Variants in RPGR observed in about 807,000 individuals in gnomAD.
The protein encoded by RPGR is retinitis pigmentosa GTPase regulator, also known as X-linked retinitis pigmentosa GTPase regulator.
Under a neutral mutation model 56.3 loss-of-function variants are expected in RPGR, and 10 were observed. The observed-to-expected ratio is 0.18, with a 90% CI of 0.11 to 0.30. The LOEUF is 0.30. RPGR is among the 10% of genes least tolerant of loss of function. RPGR has a pLI of 1.00. For missense variants in RPGR, 538 were observed against 590.9 expected (o/e 0.91, Z 0.93); for synonymous variants, 197 against 212.9 (o/e 0.93, Z 0.65).
chrX:38,311,991 G>A (rs764560271), intron 6 of RPGR, among the ~76,000 whole-genome samples: 1 of 111,780 alleles, frequency 8.9e-6, no homozygotes, highest in South Asian at 3.7e-4. Flanking sequence ...TTTTTGCTTT[G>A]TATCCTTTGC....
At chrX:38,305,233 G>A (rs999181364) in intron 7 of RPGR, among the ~76,000 whole-genome samples, 2 of 111,145 alleles carry the variant, frequency 1.8e-5, no homozygotes, top group African/African-American at 3.3e-5. Context: ...GGCCAACATG[G>A]TGAAACCCCA....
rs1601974977 is a variant in RPGR, at chrX:38,318,976, C to T, written c.322G>A (p.Val108Ile). The T allele has an allele frequency of 1.7e-6, 2 of 1,211,975 alleles. No homozygotes were observed. The highest frequency in any genetic ancestry group is 2.3e-4 in the Middle Eastern group (1 of 4,343). Reference sequence around the variant, plus strand: ...TCATTATTTCCACCAGTTGCATATACATTGCCTCCTTCTGCACATGGAAAA... The same window carrying T: ...TCATTATTTCCACCAGTTGCATATATATTGCCTCCTTCTGCACATGGAAAA... Residue 108 changes from valine to isoleucine, a missense_variant, in exon 5 of 19, where the codon GTA (valine) becomes ATA (isoleucine). By Grantham distance (29) the Val-to-Ile change is conservative (BLOSUM62 3). Coordinates refer to ENST00000642395, the MANE Select transcript of RPGR (RefSeq NM_000328.3).
intron 4 of RPGR, 65 bp downstream of exon 4, chrX:38,320,962 C>T (rs1056435358): frequency 1.4e-5 from 12 of 855,665 alleles, no homozygotes; most frequent in Admixed American, 6.8e-5. Flanking sequence ...TACAAAGCCA[C>T]GTTACTGGAA....
chrX:38,273,360 C>T (rs1307146085), intron 18 of RPGR: 2 of 1,099,606 alleles, frequency 1.8e-6, no homozygotes, highest in East Asian at 3.0e-5. Flanking sequence ...TCAAAAGGAT[C>T]AAAAAAGACA....
intron 11 of RPGR, 55 bp from the exon 12 acceptor site, chrX:38,291,539 C>T: frequency 1.5e-6 from 1 of 685,353 alleles, no homozygotes; most frequent in South Asian, 2.2e-5. Flanking sequence ...AAGTGAAAGG[C>T]AACTGGACAG....
At chrX:38,304,569 T>A (rs2067560206) in intron 8 of RPGR, 66 bp downstream of exon 8, 1 of 890,497 alleles carries the variant, frequency 1.1e-6, no homozygotes, top group South Asian at 2.2e-5. Flanking sequence ...TCATTTCACA[T>A]ATAATTTATT....
chrX:38,285,627 G>A, intron 15 of RPGR: 1 of 1,211,161 alleles, frequency 8.3e-7, no homozygotes, highest in Non-Finnish European at 1.1e-6. Flanking sequence ...GTTTTGACTG[G>A]ACTGGCATTT....
intron 8 of RPGR, chrX:38,303,625 A>G (rs1307385336): frequency 3.5e-6 from 1 of 283,939 alleles, no homozygotes. Context: ...TACTTTTCAT[A>G]TTCTATATAA....
At chrX:38,315,124 G>A (rs1476627816) in intron 6 of RPGR, among the ~76,000 whole-genome samples, 2 of 111,466 alleles carry the variant, frequency 1.8e-5, no homozygotes, top group Non-Finnish European at 3.8e-5. Flanking sequence ...GAGGTCAGAA[G>A]TTCAAGACCA....
chrX:38,313,870 A>G (rs1335169719), intron 6 of RPGR, among the ~76,000 whole-genome samples: 1 of 112,163 alleles, frequency 8.9e-6, no homozygotes, highest in Admixed American at 9.5e-5. Flanking sequence ...TGGTATTGTA[A>G]GAAATATCAT....
At position 38,327,321 on chromosome X, in the gene RPGR, C is replaced by A. The variant is rs751889855; in HGVS notation, c.28+19G>T. 108 of 1,180,063 alleles carry A rather than the reference C, an allele frequency of 9.2e-5. No homozygotes were observed. Among genetic ancestry groups the A allele is most frequent in the Non-Finnish European group, 1.2e-4 (104 of 882,813 alleles). On this transcript the variant is annotated intron_variant, in intron 1 of 18. Transcript: ENST00000642395. Reference sequence around the variant, plus strand: ...ACCCTCCCTCCCGGCCTTCCGCCACCGGCGCGGGCGCAACTCACCGGGCAT... The same window carrying A: ...ACCCTCCCTCCCGGCCTTCCGCCACAGGCGCGGGCGCAACTCACCGGGCAT...
intron 11 of RPGR, among the ~76,000 whole-genome samples, chrX:38,293,306 G>T (rs1008587353): frequency 9.0e-6 from 1 of 111,619 alleles, no homozygotes; most frequent in African/African-American, 3.3e-5. Context: ...AATGGGTATG[G>T]CTGGGTTCCA....
intron 15 of RPGR, among the ~76,000 whole-genome samples, chrX:38,278,051 G>C (rs2066966757): frequency 9.0e-6 from 1 of 111,689 alleles, no homozygotes; most frequent in African/African-American, 3.3e-5. Flanking sequence ...AAGCTACTCA[G>C]GAAGAATTAG....
In RPGR at chrX:38,269,868, C is replaced by T. The variant is rs776237663; in HGVS notation, c.2242-36G>A. On this transcript the variant is annotated intron_variant, in intron 18 of 18. Coordinates refer to ENST00000642395, the MANE Select transcript of RPGR (RefSeq NM_000328.3). ...AACCACACACACAAATATTCATTTC[C>T]ATAAGTGAAACATTCACTTAACAGT... is the stretch of plus-strand genomic sequence containing the variant. The T allele has an allele frequency of 3.0e-6, 3 of 999,604 alleles. No homozygotes were observed. In the Admixed American group the frequency reaches 6.9e-5, roughly 23 times the overall value. The allele number at this position is 999,604 out of a possible 1,213,427, so 82.4% of individuals were successfully genotyped here. A position where few individuals can be genotyped will look rare whatever the true frequency, so the allele number is the denominator to read the frequency against.
rs775660295 is a variant in RPGR at position 38,310,756 on chromosome X, C to G, written c.637G>C (p.Val213Leu). Reference sequence around the variant, plus strand: ...TTCCCATTCTCAGGTTCTCCAAACACATATAGCTCACCATCTGCTATTGAA... The same window carrying G: ...TTCCCATTCTCAGGTTCTCCAAACAGATATAGCTCACCATCTGCTATTGAA... Residue 213 changes from valine to leucine, a missense_variant, in exon 7 of 19, where the codon GTG becomes CTG. Val to Leu is a conservative substitution (Grantham distance 32, BLOSUM62 1). Around this residue, in one of 2 missense-constraint regions of RPGR, gnomAD observed 181 missense variants for 265.1 expected, o/e 0.68. Transcript: ENST00000642395. 1 of 1,208,657 alleles carries G rather than the reference C, an allele frequency of 8.3e-7. No individual in the cohort carries two copies. The highest frequency in any genetic ancestry group is 1.1e-6 in the Non-Finnish European group (1 of 894,613).
chrX:38,299,429 A>C (rs137932132), intron 9 of RPGR, among the ~76,000 whole-genome samples: 2,236 of 112,413 alleles, frequency 0.02, 38 homozygotes, highest in Middle Eastern at 0.047. Flanking sequence ...AGAGAAAAAA[A>C]TACTTGGCAA....
intron 3 of RPGR, among the ~76,000 whole-genome samples, chrX:38,321,293 TA>T (rs761530600): frequency 6.3e-4 from 70 of 111,432 alleles, no homozygotes; most frequent in Non-Finnish European, 1.1e-3. Context: ...ACAATATAGA[TA>T]TCTTAGCCCC....
At chrX:38,305,746 AAAAATAAAATAAAATAAAATAAAAT>A (rs5902182) in intron 7 of RPGR, among the ~76,000 whole-genome samples, 18 of 85,479 alleles carry the variant, frequency 2.1e-4, no homozygotes, top group East Asian at 3.6e-4. Context: ...ACTCCATCTC[AAAAATAAAATAAAATAAAATAAAAT>A]AAAATAAAAT....
chrX:38,287,584 T>C (rs1344760971), intron 14 of RPGR: 1 of 507,176 alleles, frequency 2.0e-6, no homozygotes, highest in Non-Finnish European at 3.5e-6. Context: ...CATACCTCTA[T>C]CTGGTAAGTT....
Sources: gnomAD v4.1 joint callset for allele counts (sites outside exome capture counted in the v4.1 genomes callset) on GRCh38, gnomAD v4.1.1 for gene constraint, gnomAD v4.1.1 regional missense constraint, MANE v1.5 for transcripts, NCBI Gene and HGNC (gene_info 2026-07-23, HGNC 2026-07-21) for gene names.